Variants in PRRG1 observed in about 807,000 individuals in gnomAD.
PRRG1 encodes the protein proline rich and Gla domain 1.
Under a neutral mutation model 11.8 loss-of-function variants are expected in PRRG1, and 5 were observed. That is an observed-to-expected ratio of 0.42 (90% CI 0.22 to 0.89). The LOEUF is 0.89. PRRG1 is among the 40% of genes least tolerant of loss of function. The pLI, the probability that PRRG1 is intolerant of heterozygous loss-of-function variation, is 0.28. For synonymous variants in PRRG1, 66 were observed against 60.4 expected (o/e 1.09, Z -0.43); for missense variants, 155 against 166.1 (o/e 0.93, Z 0.37).
chrX:37,422,622 G>C (rs1361448303), intron 2 of PRRG1, among the ~76,000 whole-genome samples: 1 of 111,807 alleles, frequency 8.9e-6, no homozygotes, highest in African/African-American at 3.2e-5. Flanking sequence ...AATATCTCTT[G>C]AAAAAGGGTA....
intron 2 of PRRG1, among the ~76,000 whole-genome samples, chrX:37,412,249 C>A (rs946202123): frequency 1.8e-5 from 2 of 111,532 alleles, no homozygotes; most frequent in African/African-American, 6.5e-5. Context: ...TCAAACATAT[C>A]CCCCTAGTTG....
At position 37,453,246 on chromosome X, in the gene PRRG1, C is replaced by T. The variant is rs1556397050; in HGVS notation, c.282C>T (p.Ile94=). 1 of 1,210,990 alleles carries T rather than the reference C, an allele frequency of 8.3e-7. No homozygotes were observed. Among genetic ancestry groups the T allele is most frequent in the South Asian group, 1.8e-5 (1 of 56,935 alleles). Residue 94 remains isoleucine (I), a synonymous_variant, in exon 4 of 4, where the codon ATC becomes ATT. Transcript: ENST00000378628. The part of the protein sequence containing the change: ...TFPLIFGLFI[I]LLVIFLIWRC... ...CGTTAATCTTTGGCCTCTTCATTAT[C>T]CTCCTTGTCATTTTCCTAATCTGGA...
At chrX:37,406,291 A>G (rs1383405030) in intron 2 of PRRG1, 32 bp downstream of exon 2, 3 of 1,153,335 alleles carry the variant, frequency 2.6e-6, no homozygotes, top group African/African-American at 1.8e-5. Flanking sequence ...AGTAATTCAG[A>G]CTGTCTCCAT....
intron 3 of PRRG1, among the ~76,000 whole-genome samples, chrX:37,438,035 C>G (rs1332993430): frequency 1.8e-5 from 2 of 109,722 alleles, no homozygotes; most frequent in African/African-American, 6.7e-5. Flanking sequence ...TGGTAAAACC[C>G]CATCTCTACT....
At chrX:37,433,629 C>T (rs1221687109) in intron 3 of PRRG1, among the ~76,000 whole-genome samples, 3 of 110,345 alleles carry the variant, frequency 2.7e-5, no homozygotes, top group East Asian at 5.7e-4. Context: ...ATGAGAGCAA[C>T]ATTTCTCATC....
chrX:37,356,226 TG>T (rs1408791176), intron 1 of PRRG1, among the ~76,000 whole-genome samples: 1 of 111,852 alleles, frequency 8.9e-6, no homozygotes, highest in Non-Finnish European at 1.9e-5. Context: ...CTGCATTCTT[TG>T]GAGAAATACA....
chrX:37,389,787 A>G (rs1429358337), intron 1 of PRRG1, among the ~76,000 whole-genome samples: 1 of 111,588 alleles, frequency 9.0e-6, no homozygotes, highest in Admixed American at 9.5e-5. Context: ...CATATTATCA[A>G]TTTAAAGAGA....
chrX:37,403,650 A>T (rs1932100332), intron 1 of PRRG1: 3 of 377,178 alleles, frequency 8.0e-6, no homozygotes, highest in Non-Finnish European at 1.0e-5. Flanking sequence ...TAAAATAATA[A>T]AATAAAATAA....
intron 1 of PRRG1, among the ~76,000 whole-genome samples, chrX:37,384,026 A>T (rs1290014472): frequency 2.7e-5 from 3 of 110,963 alleles, no homozygotes; most frequent in Non-Finnish European, 5.7e-5. Flanking sequence ...TAAAAGAAAA[A>T]AAAAAAAGAA....
intron 3 of PRRG1, among the ~76,000 whole-genome samples, chrX:37,428,318 G>A (rs1422466472): frequency 6.3e-5 from 7 of 111,662 alleles, no homozygotes; most frequent in African/African-American, 2.3e-4. Context: ...GACAAGGCGT[G>A]TCCCTTCCGC....
At chrX:37,364,593 AT>A (rs782054601) in intron 1 of PRRG1, among the ~76,000 whole-genome samples, 159 of 111,163 alleles carry the variant, frequency 1.4e-3, no homozygotes, top group Middle Eastern at 4.6e-3. Context: ...GCTTGTGTGG[AT>A]TTTTTCCCCA....
At chrX:37,451,397 TTAA>T (rs1475889366) in intron 3 of PRRG1, among the ~76,000 whole-genome samples, 1 of 112,597 alleles carries the variant, frequency 8.9e-6, no homozygotes, top group African/African-American at 3.2e-5. Context: ...ATATAAAAAG[TTAA>T]TGATGTGTAA....
Position 37,453,425 on chromosome X carries a change from G to A in PRRG1, c.461G>A (p.Gly154Glu), listed in dbSNP as rs781938142. Residue 154 changes from glycine to glutamate, a missense_variant, in exon 4 of 4, where the codon GGG (glycine) becomes GAG (glutamate). Gly to Glu is a moderately conservative substitution (Grantham distance 98). Coordinates refer to ENST00000378628, the MANE Select transcript of PRRG1 (RefSeq NM_001142395.2). ...CCAGGCTTTCTGGGATATGTAGTTG[G>A]GCGCTCAGATTCCGTCTCTACTCGC... is the stretch of plus-strand genomic sequence containing the variant. ...LSPGFLGYVV[G>E]RSDSVSTRLS... 3 of 1,209,292 alleles carry A rather than the reference G, an allele frequency of 2.5e-6. No individual in the cohort carries two copies. The highest frequency in any genetic ancestry group is 4.4e-5 in the Admixed American group (2 of 45,783).
chrX:37,391,058 C>T (rs1162875773), intron 1 of PRRG1, among the ~76,000 whole-genome samples: 1 of 112,013 alleles, frequency 8.9e-6, no homozygotes, highest in Non-Finnish European at 1.9e-5. Context: ...AATGCTCCTT[C>T]ATTTTTAATC....
chrX:37,357,652 A>G (rs1031718484), intron 1 of PRRG1, among the ~76,000 whole-genome samples: 3 of 112,090 alleles, frequency 2.7e-5, no homozygotes, highest in Non-Finnish European at 3.8e-5. Flanking sequence ...TCCATGCTGT[A>G]TATGCCTTTC....
chrX:37,405,329 T>C lies in PRRG1; in HGVS notation c.-41-880T>C, dbSNP rs191757736. Among the ~76,000 whole-genome samples, 198 of 112,136 alleles carry C rather than the reference T, an allele frequency of 1.8e-3. 1 individual carries two copies. The highest frequency in any genetic ancestry group is 6.2e-3 in the African/African-American group (191 of 30,938). On this transcript the variant is annotated intron_variant, in intron 1 of 3. Coordinates refer to ENST00000378628, the MANE Select transcript of PRRG1 (RefSeq NM_001142395.2). Reference sequence around the variant, plus strand: ...CACACAGCTGATTATCAGGTCTCAGTCTAATATTTATTCCTTATTGGTCTC... The same window carrying C: ...CACACAGCTGATTATCAGGTCTCAGCCTAATATTTATTCCTTATTGGTCTC...
chrX:37,390,560 C>A (rs1207552024), intron 1 of PRRG1, among the ~76,000 whole-genome samples: 2 of 111,929 alleles, frequency 1.8e-5, no homozygotes, highest in East Asian at 5.6e-4. Flanking sequence ...ACATAAAACT[C>A]ATTTATGGTA....
At chrX:37,379,317 T>C (rs1931080688) in intron 1 of PRRG1, among the ~76,000 whole-genome samples, 1 of 110,115 alleles carries the variant, frequency 9.1e-6, no homozygotes, top group East Asian at 2.8e-4. Context: ...TTATTATTCA[T>C]CTGTCTATTC....
At chrX:37,426,125 A>C (rs1932769919) in intron 3 of PRRG1, 125 bp downstream of exon 3, 7 of 727,944 alleles carry the variant, frequency 9.6e-6, no homozygotes, top group Non-Finnish European at 1.4e-5. Context: ...GGAACTCGGA[A>C]AATGGCATCT....
Sources: gnomAD v4.1 joint callset for allele counts (sites outside exome capture counted in the v4.1 genomes callset) on GRCh38, gnomAD v4.1.1 for gene constraint, MANE v1.5 for transcripts, NCBI Gene and HGNC (gene_info 2026-07-23, HGNC 2026-07-21) for gene names.